The following CDYL variants were observed in gnomAD, a reference collection of about 807,000 sequenced individuals.
CDYL encodes chromodomain Y like.
CDYL carries 8 observed loss-of-function variants against 47.3 expected under a neutral mutation model. The ratio of observed to expected loss-of-function variants is 0.17; its 90% confidence interval spans 0.10 to 0.31. The LOEUF (loss-of-function observed/expected upper bound fraction) is 0.31, where lower values mean the gene tolerates loss of function less well. Ranked by LOEUF, CDYL falls within the 10% of genes least tolerant of loss-of-function variation. CDYL has a pLI of 1.00. For synonymous variants in CDYL, 266 were observed against 265.0 expected (o/e 1.00, Z -0.04); for missense variants, 471 against 701.4 (o/e 0.67, Z 3.71).
intron 1 of CDYL, among the ~76,000 whole-genome samples, chr6:4,711,188 A>G (rs535803971): frequency 6.6e-6 from 1 of 152,306 alleles, no homozygotes; most frequent in African/African-American, 2.4e-5. Context: ...TTCTGTGGCC[A>G]TGACCCTGGC....
At chr6:4,793,752 G>A (rs902244443) in intron 1 of CDYL, among the ~76,000 whole-genome samples, 1 of 152,056 alleles carries the variant, frequency 6.6e-6, no homozygotes, top group Admixed American at 6.6e-5. Context: ...ATTGCATTTC[G>A]GGGATATTTT....
chr6:4,887,835 C>T (rs1370215106), intron 1 of CDYL, among the ~76,000 whole-genome samples: 5 of 147,540 alleles, frequency 3.4e-5, no homozygotes, highest in African/African-American at 1.2e-4. Context: ...TCATAGATTC[C>T]TTTTATTAAG....
At chr6:4,768,987 A>G (rs953597985) in intron 3 of CDYL, among the ~76,000 whole-genome samples, 1 of 152,218 alleles carries the variant, frequency 6.6e-6, no homozygotes, top group African/African-American at 2.4e-5. Context: ...CATTCTGCAA[A>G]CGTTTCACAA....
At chr6:4,788,710 C>T (rs1758831861) in intron 1 of CDYL, among the ~76,000 whole-genome samples, 1 of 151,372 alleles carries the variant, frequency 6.6e-6, no homozygotes, top group Admixed American at 6.6e-5. Context: ...ATGGAAATTC[C>T]AATCCTTTCT....
At chr6:4,874,315 A>AT (rs1173835545) in intron 1 of CDYL, among the ~76,000 whole-genome samples, 3 of 151,970 alleles carry the variant, frequency 2.0e-5, no homozygotes, top group Non-Finnish European at 4.4e-5. Context: ...GTTTTATTTC[A>AT]TAGCGTTTCT....
At chr6:4,912,318 G>A (rs1474339920) in intron 2 of CDYL, among the ~76,000 whole-genome samples, 1 of 152,202 alleles carries the variant, frequency 6.6e-6, no homozygotes, top group East Asian at 1.9e-4. Flanking sequence ...GGAGTAATAG[G>A]ATAACACGGC....
intron 1 of CDYL, among the ~76,000 whole-genome samples, chr6:4,847,582 G>T (rs1452321332): frequency 6.6e-6 from 1 of 152,142 alleles, no homozygotes; most frequent in African/African-American, 2.4e-5. Context: ...TGTTTCTCTT[G>T]TCATGAACTG....
chr6:4,780,171 ACTTAGAGC>A (rs1758572875), intron 1 of CDYL, among the ~76,000 whole-genome samples: 1 of 151,386 alleles, frequency 6.6e-6, no homozygotes, highest in Non-Finnish European at 1.5e-5. Context: ...CCAGCTCTAG[ACTTAGAGC>A]TGGAAGATCT....
intron 2 of CDYL, among the ~76,000 whole-genome samples, chr6:4,897,790 G>GTTTTGGTTTT (rs75519192): frequency 7.1e-6 from 1 of 140,220 alleles, no homozygotes; most frequent in African/African-American, 2.7e-5. Context: ...GAAGGTTTTT[G>GTTTTGGTTTT]TTTTTTTTTT....
chr6:4,776,247 G>T (rs1034640878), upstream of CDYL, among the ~76,000 whole-genome samples: 2 of 141,622 alleles, frequency 1.4e-5, no homozygotes, highest in Non-Finnish European at 1.6e-5. Flanking sequence ...CGCCCGCCTC[G>T]GCCCCGAGCG....
intron 2 of CDYL, among the ~76,000 whole-genome samples, chr6:4,726,310 G>A (rs758582872): frequency 8.2e-4 from 124 of 152,080 alleles, no homozygotes; most frequent in Non-Finnish European, 7.5e-4. Context: ...GCCGAGGTGG[G>A]CGGATCACAA....
chr6:4,753,036 G>A (rs1758021854), intron 3 of CDYL, among the ~76,000 whole-genome samples: 1 of 151,956 alleles, frequency 6.6e-6, no homozygotes, highest in Non-Finnish European at 1.5e-5. Flanking sequence ...TCCCACCTTA[G>A]CCTCCTGAGT....
intron 1 of CDYL, among the ~76,000 whole-genome samples, chr6:4,709,010 A>AAAAAT (rs780800707): frequency 4.4e-4 from 67 of 152,200 alleles, no homozygotes; most frequent in East Asian, 3.9e-3. Flanking sequence ...CTGTCTTAAA[A>AAAAAT]AAAATAAAAT....
At chr6:4,734,078 G>A (rs1043990459) in intron 2 of CDYL, among the ~76,000 whole-genome samples, 9 of 152,118 alleles carry the variant, frequency 5.9e-5, no homozygotes, top group African/African-American at 2.2e-4. Flanking sequence ...GGCCTCAGGT[G>A]ATCCATCCGT....
intron 3 of CDYL, among the ~76,000 whole-genome samples, chr6:4,752,256 G>C (rs971280735): frequency 6.6e-6 from 1 of 152,114 alleles, no homozygotes; most frequent in Non-Finnish European, 1.5e-5. Context: ...TGCAGCTTCT[G>C]GGCAGCCGTT....
chr6:4,896,547 G>A (rs894189609), intron 2 of CDYL, among the ~76,000 whole-genome samples: 1 of 152,032 alleles, frequency 6.6e-6, no homozygotes, highest in Admixed American at 6.6e-5. Flanking sequence ...AGAGCAGGAG[G>A]GGAGAAATGC....
intron 1 of CDYL, among the ~76,000 whole-genome samples, chr6:4,850,159 T>G (rs1366414182): frequency 1.3e-5 from 2 of 152,230 alleles, no homozygotes; most frequent in East Asian, 3.8e-4. Flanking sequence ...TACTGAATCT[T>G]CATAGTAATG....
At chr6:4,896,982 G>A (rs950190218) in intron 2 of CDYL, among the ~76,000 whole-genome samples, 10 of 152,102 alleles carry the variant, frequency 6.6e-5, no homozygotes, top group African/African-American at 1.2e-4. Context: ...TAAGTATGAC[G>A]CAAAGGCTTA....
chr6:4,850,520 A>G (rs1459918053), intron 1 of CDYL, among the ~76,000 whole-genome samples: 1 of 152,196 alleles, frequency 6.6e-6, no homozygotes, highest in Non-Finnish European at 1.5e-5. Flanking sequence ...TGTTTATTCT[A>G]TAAGTTTCTT....
Sources: gnomAD v4.1 joint callset for allele counts (sites outside exome capture counted in the v4.1 genomes callset) on GRCh38, gnomAD v4.1.1 for gene constraint, MANE v1.5 for transcripts, NCBI Gene and HGNC (gene_info 2026-07-23, HGNC 2026-07-21) for gene names.